The following TCF12 variants were observed in gnomAD, a reference collection of about 807,000 sequenced individuals.
TCF12 encodes transcription factor 12, also known as DNA-binding protein HTF4.
TCF12 carries 45 observed loss-of-function variants against 86.0 expected under a neutral mutation model. The ratio of observed to expected loss-of-function variants is 0.52; its 90% CI spans 0.41 to 0.67. TCF12 has a LOEUF of 0.67. TCF12 is among the 30% of genes least tolerant of loss of function. The pLI is 0.00. For missense variants in TCF12, 881 were observed against 859.9 expected, an observed-to-expected ratio of 1.02 and a Z score of -0.31; for synonymous variants, 330 against 299.6, an observed-to-expected ratio of 1.10 and a Z score of -1.05.
rs183040376 is a variant in TCF12, at chr15:56,984,689, T to C, written c.148+63591T>C. ...CCATTTTACCTTGCCTGTTAAAAAA[T>C]GTGTGCAAGGTCTGTGGTTCAAGAT... On this transcript the variant is annotated intron_variant, in intron 3 of 20. Transcript: ENST00000333725. 3.6e-3 allele frequency among the ~76,000 whole-genome samples: 544 copies of C among 152,242 alleles called. 5 individuals are homozygous for C. Among genetic ancestry groups the C allele is most frequent in the African/African-American group, 0.012 (517 of 41,542 alleles).
chr15:56,942,933 G>C (rs1301793614), intron 3 of TCF12, among the ~76,000 whole-genome samples: 1 of 152,156 alleles, frequency 6.6e-6, no homozygotes, highest in Non-Finnish European at 1.5e-5. Flanking sequence ...AAATTTGAAA[G>C]CCTGTATCAT....
At chr15:57,254,388 G>A (rs562130271) in intron 16 of TCF12, among the ~76,000 whole-genome samples, 20 of 152,118 alleles carry the variant, frequency 1.3e-4, no homozygotes, top group African/African-American at 4.3e-4. Flanking sequence ...TGAAGTAAAC[G>A]TCACACAAGG....
At chr15:57,078,673 A>T (rs74018491) in intron 4 of TCF12, among the ~76,000 whole-genome samples, 1 of 152,122 alleles carries the variant, frequency 6.6e-6, no homozygotes, top group Non-Finnish European at 1.5e-5. Context: ...AAAGATAGGT[A>T]AAAAAATAAG....
chr15:56,951,654 T>C (rs2585122), intron 3 of TCF12, among the ~76,000 whole-genome samples: 1,825 of 152,304 alleles, frequency 0.012, 45 homozygotes, highest in African/African-American at 0.042. Context: ...TGTCTACTTG[T>C]AGAACGTTTT....
At chr15:57,075,833 TCTTTTC>T (rs1382148959) in intron 4 of TCF12, among the ~76,000 whole-genome samples, 41 of 78,916 alleles carry the variant, frequency 5.2e-4, no homozygotes, top group Non-Finnish European at 7.7e-4. Flanking sequence ...TCTCTCTCTC[TCTTTTC>T]TTTCTTTCTT....
chr15:57,019,317 T>A (rs1298737901), intron 3 of TCF12, among the ~76,000 whole-genome samples: 1 of 152,216 alleles, frequency 6.6e-6, no homozygotes, highest in Non-Finnish European at 1.5e-5. Flanking sequence ...ATTCTCAAAG[T>A]CTCACATACT....
intron 20 of TCF12, among the ~76,000 whole-genome samples, chr15:57,284,452 C>T (rs565440442): frequency 5.9e-5 from 9 of 152,278 alleles, no homozygotes; most frequent in East Asian, 1.9e-4. Flanking sequence ...TCAAGCGATC[C>T]GACCACCTCG....
chr15:57,216,324 A>AT (rs539728073), intron 8 of TCF12, among the ~76,000 whole-genome samples: 4 of 152,036 alleles, frequency 2.6e-5, no homozygotes, highest in African/African-American at 4.8e-5. Flanking sequence ...AAACTTGGTG[A>AT]TTTTTTTATA....
At chr15:57,235,052 A>G (rs2059323968) in intron 12 of TCF12, among the ~76,000 whole-genome samples, 1 of 152,100 alleles carries the variant, frequency 6.6e-6, no homozygotes, top group South Asian at 2.1e-4. Flanking sequence ...GTGTAAATAA[A>G]TTTTTCTCTA....
At chr15:57,110,660 C>G (rs141800011) in intron 5 of TCF12, among the ~76,000 whole-genome samples, 38 of 152,206 alleles carry the variant, frequency 2.5e-4, no homozygotes, top group African/African-American at 9.2e-4. Context: ...CCATAAAACC[C>G]TTTAATTTAG....
At chr15:57,254,874 AAAAG>A (rs370729299) in intron 16 of TCF12, among the ~76,000 whole-genome samples, 336 of 108,890 alleles carry the variant, frequency 3.1e-3, no homozygotes, top group Non-Finnish European at 5.3e-3. Flanking sequence ...AAAAAAAAAA[AAAAG>A]AAAGAAAGAA....
At chr15:57,172,313 G>A (rs1174640217) in intron 6 of TCF12, among the ~76,000 whole-genome samples, 1 of 152,196 alleles carries the variant, frequency 6.6e-6, no homozygotes, top group Non-Finnish European at 1.5e-5. Context: ...GAATACTTCT[G>A]TCTTAGCAGT....
intron 5 of TCF12, among the ~76,000 whole-genome samples, chr15:57,162,136 G>A (rs1368947466): frequency 6.6e-6 from 1 of 151,690 alleles, no homozygotes; most frequent in Admixed American, 6.6e-5. Context: ...GGTGCTTCAA[G>A]GAAAATTAGA....
Position 57,231,213 on chromosome 15 carries a change from C to G in TCF12, c.641C>G (p.Pro214Arg). 1 of 1,613,288 alleles carries G rather than the reference C, an allele frequency of 6.2e-7. No individual in the cohort carries two copies. Among genetic ancestry groups the G allele is most frequent in the Non-Finnish European group, 8.5e-7 (1 of 1,179,392 alleles). ...CGTGAATCTCCTAGTTATCCATCTC[C>G]TAAGCCACCAACCAGTATGTTCGCT... Reference protein sequence around the residue: ...FNRESPSYPSPKPPTSMFAST... With the variant: ...FNRESPSYPSRKPPTSMFAST... The change falls in exon 9 of 21, where the codon CCT (proline) becomes CGT (arginine). Residue 214 changes from proline to arginine, a missense_variant. Pro to Arg is a moderately radical substitution (Grantham distance 103). Around this residue, in one of 3 missense-constraint regions of TCF12, gnomAD observed 766 missense variants for 718.9 expected, o/e 1.07. Coordinates refer to ENST00000333725, the MANE Select transcript of TCF12 (RefSeq NM_207037.2).
intron 3 of TCF12, among the ~76,000 whole-genome samples, chr15:56,987,082 C>A (rs566039851): frequency 6.6e-6 from 1 of 151,024 alleles, no homozygotes; most frequent in Non-Finnish European, 1.5e-5. Context: ...TGCAGTAATG[C>A]AATATTTAGT....
At chr15:57,275,432 G>A (rs1463273928) in intron 19 of TCF12, among the ~76,000 whole-genome samples, 1 of 41,202 alleles carries the variant, frequency 2.4e-5, no homozygotes, top group African/African-American at 1.3e-4. Flanking sequence ...AGCGTCTATA[G>A]GCCTGAGCCA....
chr15:57,046,488 G>T (rs2067240716), intron 3 of TCF12, among the ~76,000 whole-genome samples: 1 of 152,150 alleles, frequency 6.6e-6, no homozygotes, highest in African/African-American at 2.4e-5. Context: ...TGTTGCCCAG[G>T]CTGGAGTGCA....
At chr15:57,091,009 AT>A (rs1233167676) in intron 4 of TCF12, among the ~76,000 whole-genome samples, 2 of 152,320 alleles carry the variant, frequency 1.3e-5, no homozygotes, top group East Asian at 3.9e-4. Context: ...TTAAAAAAAT[AT>A]GTTTTAAACT....
intron 3 of TCF12, among the ~76,000 whole-genome samples, chr15:57,050,765 T>C (rs1277933898): frequency 6.6e-6 from 1 of 152,200 alleles, no homozygotes; most frequent in Non-Finnish European, 1.5e-5. Flanking sequence ...TCAGTTTTAC[T>C]TACCATTTCT....
Sources: gnomAD v4.1 joint callset for allele counts (sites outside exome capture counted in the v4.1 genomes callset) on GRCh38, gnomAD v4.1.1 for gene constraint, gnomAD v4.1.1 regional missense constraint, MANE v1.5 for transcripts, NCBI Gene and HGNC (gene_info 2026-07-23, HGNC 2026-07-21) for gene names.